Variants in ABCD3 observed in about 807,000 individuals in gnomAD.
ABCD3 encodes ATP-binding cassette sub-family D member 3.
In ABCD3, 41 loss-of-function variants were observed where a neutral mutation model predicts 105.5. That is an observed-to-expected ratio of 0.39 (90% CI 0.30 to 0.50). The LOEUF (loss-of-function observed/expected upper bound fraction) is 0.50. ABCD3 is among the 20% of genes least tolerant of loss of function. The pLI, the probability that ABCD3 is intolerant of heterozygous loss-of-function variation, is 0.84. For missense variants in ABCD3, 622 were observed against 806.3 expected, an observed-to-expected ratio of 0.77 and a Z score of 2.77; for synonymous variants, 258 against 269.0, an observed-to-expected ratio of 0.96 and a Z score of 0.40.
the ABCD3 span, among the ~76,000 whole-genome samples, chr1:94,404,432 G>GT: frequency 6.6e-5 from 10 of 152,092 alleles, no homozygotes; most frequent in African/African-American, 2.4e-4. Context: ...TGGCTCTCTT[G>GT]TTTTTTCTCT....
intron 1 of ABCD3, among the ~76,000 whole-genome samples, chr1:94,434,183 A>T (rs554446563): frequency 2.3e-4 from 35 of 152,278 alleles, no homozygotes; most frequent in African/African-American, 8.4e-4. Flanking sequence ...ATTTAAAAAA[A>T]ATTTTTTAGT....
At position 94,448,515 on chromosome 1, in the gene ABCD3, C is replaced by T. The variant is rs183653464; in HGVS notation, c.111-10092C>T. ...GGATCAAAAGGTAAAGTTTTCCAGA[C>T]GCCTTATACTTCAGCTCAAAAAGCG... On this transcript the variant is annotated intron_variant, in intron 1 of 22. Coordinates refer to ENST00000370214, the MANE Select transcript of ABCD3 (RefSeq NM_002858.4). Among the ~76,000 whole-genome samples the T allele has an allele frequency of 1.4e-4, 21 of 152,298 alleles. No individual in the cohort carries two copies. In the East Asian group the frequency reaches 2.5e-3, roughly 18 times the overall value.
chr1:94,455,918 C>A, intron 1 of ABCD3: 1 of 1,000,692 alleles, frequency 1.0e-6, no homozygotes, highest in Non-Finnish European at 1.3e-6. Context: ...AGCAGTGTGG[C>A]ATTTTTATTG....
At chr1:94,492,476 A>G (rs1008843816) in intron 16 of ABCD3, among the ~76,000 whole-genome samples, 1 of 152,182 alleles carries the variant, frequency 6.6e-6, no homozygotes, top group African/African-American at 2.4e-5. Context: ...TTCTATCGTT[A>G]TCATATTTAT....
chr1:94,451,481 A>AT (rs1647257934), intron 1 of ABCD3, among the ~76,000 whole-genome samples: 1 of 152,160 alleles, frequency 6.6e-6, no homozygotes, highest in Non-Finnish European at 1.5e-5. Flanking sequence ...CACATTCTAA[A>AT]TTTTTTAGAA....
chr1:94,400,358 C>T, the ABCD3 span, among the ~76,000 whole-genome samples: 6 of 150,958 alleles, frequency 4.0e-5, no homozygotes, highest in South Asian at 2.1e-4. Context: ...GAGCCGAGAT[C>T]GCGCCACTGC....
chr1:94,388,944 T>C, the ABCD3 span, among the ~76,000 whole-genome samples: 3 of 152,208 alleles, frequency 2.0e-5, no homozygotes, highest in East Asian at 1.9e-4. Flanking sequence ...CATCTTAAAA[T>C]TGCCCATCTG....
chr1:94,477,363 C>T (rs560382513), intron 7 of ABCD3, among the ~76,000 whole-genome samples: 61 of 151,714 alleles, frequency 4.0e-4, no homozygotes, highest in African/African-American at 1.1e-3. Context: ...CATAGTGGCT[C>T]ATCCCTGCAA....
intron 9 of ABCD3, chr1:94,482,575 C>T (rs1037305396): frequency 6.5e-6 from 1 of 152,716 alleles, no homozygotes; most frequent in African/African-American, 2.4e-5. Flanking sequence ...CTATAAAATA[C>T]CTTTTTTTTC....
chr1:94,512,762 C>G (rs1650744447), intron 21 of ABCD3, among the ~76,000 whole-genome samples: 1 of 151,870 alleles, frequency 6.6e-6, no homozygotes, highest in Non-Finnish European at 1.5e-5. Context: ...AAATTGTTAC[C>G]AACATCTATA....
Position 94,449,703 on chromosome 1 carries a change from A to C in ABCD3, c.111-8904A>C, listed in dbSNP as rs377265874. On this transcript the variant is annotated intron_variant, in intron 1 of 22. Transcript: ENST00000370214. ...AGGTGCTGCACAGTGATTTCTATGG[A>C]ATCATTATTGATTGGTCCCCTAAGG... Among the ~76,000 whole-genome samples, 19 of 152,342 alleles carry C rather than the reference A, an allele frequency of 1.2e-4. No individual in the cohort carries two copies. In the South Asian group the frequency reaches 1.7e-3, roughly 13 times the overall value.
At chr1:94,507,134 T>TC (rs1650401537) in intron 21 of ABCD3, among the ~76,000 whole-genome samples, 3 of 150,746 alleles carry the variant, frequency 2.0e-5, no homozygotes, top group South Asian at 4.2e-4. Context: ...ATGCTATCCC[T>TC]CCCCCCTTCC....
intron 20 of ABCD3, among the ~76,000 whole-genome samples, chr1:94,505,780 A>C (rs1313209090): frequency 6.6e-6 from 1 of 152,162 alleles, no homozygotes; most frequent in Non-Finnish European, 1.5e-5. Context: ...TCACTTTCTC[A>C]AGAAGGATGG....
Position 94,418,473 on chromosome 1 carries a change from A to T in ABCD3, c.-6A>T, listed in dbSNP as rs1414331459. On this transcript the variant is annotated 5_prime_UTR_variant, in exon 1 of 23. Transcript: ENST00000370214. ...CCCTCGCCGGCTCGCTGGTACCGGC[A>T]GTGCCATGGCGGCCTTCAGCAAGTA... 1 of 1,594,968 alleles carries T rather than the reference A, an allele frequency of 6.3e-7. No individual in the cohort carries two copies. The highest frequency in any genetic ancestry group is 8.5e-7 in the Non-Finnish European group (1 of 1,175,568).
intron 1 of ABCD3, among the ~76,000 whole-genome samples, chr1:94,421,651 A>G (rs1460301582): frequency 6.6e-6 from 1 of 151,998 alleles, no homozygotes; most frequent in African/African-American, 2.4e-5. Flanking sequence ...GGGAAAAGAA[A>G]CTTAAACACT....
intron 22 of ABCD3, among the ~76,000 whole-genome samples, chr1:94,515,524 TAAG>T (rs912453344): frequency 3.3e-5 from 5 of 151,956 alleles, no homozygotes; most frequent in Non-Finnish European, 4.4e-5. Flanking sequence ...GAAAAAGTCT[TAAG>T]AAGAATTAGA....
At chr1:94,386,442 A>G in the ABCD3 span, among the ~76,000 whole-genome samples, 94 of 152,374 alleles carry the variant, frequency 6.2e-4, no homozygotes, top group Non-Finnish European at 1.1e-3. Context: ...ACACATTATT[A>G]GTACCGCTAG....
intron 1 of ABCD3, among the ~76,000 whole-genome samples, chr1:94,431,747 GA>G (rs556809934): frequency 1.5e-3 from 228 of 152,036 alleles, no homozygotes; most frequent in Non-Finnish European, 2.9e-3. Context: ...TTTTTGTAGA[GA>G]TAGGGTCCCA....
Position 94,472,922 on chromosome 1 carries a change from C to A in ABCD3, c.336-844C>A, listed in dbSNP as rs138880536. On this transcript the variant is annotated intron_variant, in intron 4 of 22. Transcript: ENST00000370214. ...TCTTTGTATTAGGTCATAGACATAT[C>A]TTACTCAAAGATCCTTTACTTATAT... Among the ~76,000 whole-genome samples, 1,104 of 152,244 alleles carry A rather than the reference C, an allele frequency of 7.3e-3. 17 individuals carry two copies. Among genetic ancestry groups the A allele is most frequent in the African/African-American group, 0.025 (1,040 of 41,544 alleles).
Sources: gnomAD v4.1 joint callset for allele counts (sites outside exome capture counted in the v4.1 genomes callset) on GRCh38, gnomAD v4.1.1 for gene constraint, MANE v1.5 for transcripts, NCBI Gene and HGNC (gene_info 2026-07-23, HGNC 2026-07-21) for gene names.